The following HM13 variants were observed in gnomAD, a reference collection of about 807,000 sequenced individuals.
The protein encoded by HM13 is signal peptide peptidase.
HM13 carries 18 observed loss-of-function variants against 50.0 expected under a neutral mutation model. The ratio of observed to expected loss-of-function variants is 0.36; its 90% CI spans 0.25 to 0.53. The LOEUF (loss-of-function observed/expected upper bound fraction) is 0.53, where lower values mean the gene tolerates loss of function less well. Among genes scored for constraint, HM13 ranks in the 20% least tolerant of loss-of-function variants. The probability of loss-of-function intolerance (pLI) is 0.90; values close to 1 mark genes in which losing one functional copy is unlikely to be tolerated. For synonymous variants in HM13, 197 were observed against 232.6 expected (o/e 0.85, Z 1.39); for missense variants, 393 against 552.4 (o/e 0.71, Z 2.89).
At chr20:31,524,710 C>CTT (rs1156549702) in intron 1 of HM13, among the ~76,000 whole-genome samples, 57 of 110,728 alleles carry the variant, frequency 5.1e-4, no homozygotes, top group Non-Finnish European at 8.0e-4. Context: ...TGTTGTGTGG[C>CTT]TTTTTTTTTT....
chr20:31,526,179 C>T (rs1490385408), intron 1 of HM13, among the ~76,000 whole-genome samples: 4 of 148,074 alleles, frequency 2.7e-5, no homozygotes, highest in South Asian at 2.1e-4. Context: ...TTTTTTTAGA[C>T]GGAGTCTTGC....
At chr20:31,520,139 G>A (rs896251665) in intron 1 of HM13, among the ~76,000 whole-genome samples, 8 of 152,070 alleles carry the variant, frequency 5.3e-5, no homozygotes, top group African/African-American at 1.9e-4. Flanking sequence ...TTACAGGCGT[G>A]AGCCACTGTT....
At chr20:31,563,631 GGATTGTTA>G (rs1337227807) in intron 10 of HM13, among the ~76,000 whole-genome samples, 1 of 152,182 alleles carries the variant, frequency 6.6e-6, no homozygotes, top group East Asian at 1.9e-4. Flanking sequence ...TCCTACTTAG[GGATTGTTA>G]GATTCAATAA....
chr20:31,568,342 A>G (rs1985053117), intron 12 of HM13, 118 bp downstream of exon 12: 2 of 1,361,816 alleles, frequency 1.5e-6, no homozygotes, highest in South Asian at 1.5e-5. Context: ...GTAGGCCGCA[A>G]GAGCAGCTCC....
chr20:31,566,507 G>C (rs1411328396), intron 11 of HM13, among the ~76,000 whole-genome samples: 1 of 152,080 alleles, frequency 6.6e-6, no homozygotes, highest in Admixed American at 6.5e-5. Flanking sequence ...GGAGCGCAAG[G>C]CATCAGAGCC....
chr20:31,560,998 C>T (rs902564501), intron 9 of HM13, among the ~76,000 whole-genome samples: 8 of 152,278 alleles, frequency 5.3e-5, no homozygotes, highest in South Asian at 2.1e-4. Context: ...ATGGCAATGC[C>T]GGGCTGTATA....
chr20:31,550,043 G>A, intron 6 of HM13, 21 bp from the exon 7 acceptor site: 1 of 1,599,436 alleles, frequency 6.3e-7, no homozygotes, highest in Non-Finnish European at 8.6e-7. Context: ...CCTTCATACT[G>A]CTCTTTTTTT....
intron 1 of HM13, among the ~76,000 whole-genome samples, chr20:31,521,489 G>T (rs1600613054): frequency 6.6e-6 from 1 of 152,120 alleles, no homozygotes; most frequent in Non-Finnish European, 1.5e-5. Context: ...ACTTCGGGAG[G>T]CCAAGGCAGG....
At chr20:31,550,016 C>G (rs1983945938) in intron 6 of HM13, 48 bp from the exon 7 acceptor site, 5 of 1,401,822 alleles carry the variant, frequency 3.6e-6, no homozygotes, top group South Asian at 2.3e-5. Context: ...ATTCTTCCCC[C>G]CACAGCCCCT....
At chr20:31,554,139 C>G (rs1355571897) in intron 7 of HM13, among the ~76,000 whole-genome samples, 1 of 152,184 alleles carries the variant, frequency 6.6e-6, no homozygotes, top group African/African-American at 2.4e-5. Context: ...TCTCACGTCC[C>G]CATCCCCCAC....
intron 2 of HM13, among the ~76,000 whole-genome samples, chr20:31,530,054 CTA>C (rs1568783253): frequency 6.6e-6 from 1 of 151,926 alleles, no homozygotes; most frequent in Non-Finnish European, 1.5e-5. Flanking sequence ...CTTTGGGAGG[CTA>C]AGGTGGGAGG....
At chr20:31,522,004 A>G (rs1402235766) in intron 1 of HM13, among the ~76,000 whole-genome samples, 1 of 151,878 alleles carries the variant, frequency 6.6e-6, no homozygotes, top group East Asian at 1.9e-4. Context: ...GCATTGCAGC[A>G]TGGGATATTT....
At chr20:31,550,780 C>T (rs1447675637) in intron 7 of HM13, among the ~76,000 whole-genome samples, 1 of 152,114 alleles carries the variant, frequency 6.6e-6, no homozygotes, top group East Asian at 1.9e-4. Context: ...CAGTTCAAGA[C>T]CAGCCTGGGT....
Position 31,549,292 on chromosome 20 carries a change from G to A in HM13, c.626G>A (p.Cys209Tyr). The A allele has an allele frequency of 1.2e-6, 2 of 1,614,206 alleles. No individual in the cohort carries two copies. The highest frequency in any genetic ancestry group is 1.1e-5 in the South Asian group (1 of 91,084). Residue 209 changes from cysteine (C) to tyrosine (Y), a missense_variant, in exon 6 of 13, where the codon TGC (cysteine) becomes TAC (tyrosine). Physicochemically the swap from Cys to Tyr is radical, Grantham distance 194 (BLOSUM62 -2). Coordinates refer to ENST00000398174, the MANE Select transcript of HM13 (RefSeq NM_178581.3). ...CACCTCAACAATGTCAGCACTGGCTGCATCCTGCTGGGCGGACTCTTCATC... is the reference window on the plus strand; with the variant it reads ...CACCTCAACAATGTCAGCACTGGCTACATCCTGCTGGGCGGACTCTTCATC... ...LLHLNNVSTGCILLGGLFIYD... is the reference protein window; with the variant it reads ...LLHLNNVSTGYILLGGLFIYD...
intron 10 of HM13, among the ~76,000 whole-genome samples, chr20:31,565,295 G>A (rs1243292434): frequency 6.6e-6 from 1 of 151,240 alleles, no homozygotes; most frequent in Non-Finnish European, 1.5e-5. Context: ...CATGGCGAAC[G>A]TGGTGAAACC....
In HM13 at chr20:31,523,867, A is replaced by T. The variant is rs1256466487; in HGVS notation, c.184-3617A>T. ...CCACCCCACTCCCACCTCCTAGCAA[A>T]GCTGTCCAAGTGACTCACATGGAGC... On this transcript the variant is annotated intron_variant, in intron 1 of 12. Transcript: ENST00000398174. Among the ~76,000 whole-genome samples, 3 of 152,098 alleles carry T rather than the reference A, an allele frequency of 2.0e-5. No individual in the cohort carries two copies. In the East Asian group the frequency reaches 5.8e-4, roughly 29 times the overall value.
At chr20:31,529,473 G>A (rs1309265323) in intron 2 of HM13, among the ~76,000 whole-genome samples, 1 of 152,096 alleles carries the variant, frequency 6.6e-6, no homozygotes, top group African/African-American at 2.4e-5. Context: ...TCGAACTCCT[G>A]GGCTCAAGCT....
intron 4 of HM13, among the ~76,000 whole-genome samples, chr20:31,546,111 A>T (rs368065992): frequency 7.7e-5 from 11 of 142,326 alleles, no homozygotes; most frequent in African/African-American, 2.4e-4. Context: ...GTGCAGCGGC[A>T]CAATCTTGGC....
In HM13 at chr20:31,538,264, C is replaced by T. The variant is rs1983231068; in HGVS notation, c.365+3C>T. ...CTGGCCCTGTCCCACACCATCAGGT[C>T]AGAAGGCATCTCTCTGCAACATTTG... On this transcript the variant is annotated splice_donor_region_variant and intron_variant, in intron 3 of 12. Coordinates refer to ENST00000398174, the MANE Select transcript of HM13 (RefSeq NM_178581.3). 4 of 1,614,040 alleles carry T rather than the reference C, an allele frequency of 2.5e-6. No individual in the cohort carries two copies. Among genetic ancestry groups the T allele is most frequent in the South Asian group, 1.1e-5 (1 of 91,070 alleles).
Sources: allele counts gnomAD v4.1 joint callset (sites outside exome capture counted in the v4.1 genomes callset), GRCh38; gene constraint gnomAD v4.1.1; transcripts MANE v1.5; gene names NCBI Gene and HGNC (gene_info 2026-07-23, HGNC 2026-07-21).